Variants in POLG observed in about 807,000 individuals in gnomAD.
POLG encodes the protein DNA polymerase gamma, catalytic subunit.
In POLG, 110 loss-of-function variants were observed where a neutral mutation model predicts 155.4. The observed-to-expected ratio is 0.71, with a 90% CI of 0.61 to 0.83. The LOEUF (loss-of-function observed/expected upper bound fraction) is 0.83. POLG is among the 40% of genes least tolerant of loss of function. POLG has a pLI of 0.00. For missense variants in POLG, 1,685 were observed against 1,627.5 expected (o/e 1.04, Z -0.61); for synonymous variants, 701 against 631.5 (o/e 1.11, Z -1.65).
Position 89,333,326 on chromosome 15 carries a change from G to A in POLG, c.429C>T (p.Ala143=). The A allele has an allele frequency of 6.4e-7, 1 of 1,558,906 alleles. No homozygotes were observed. The highest frequency in any genetic ancestry group is 2.4e-5 in the East Asian group (1 of 41,812). ...DNLDQHFRLL[A]QKQSLPYLEA... is the part of the protein sequence containing the mutation. ...CCAGGTAGGGCAGGCTCTGCTTCTG[G>A]GCCAGGAGGCGGAAGTGCTGGTCCA... The change falls in exon 2 of 23, where the codon GCC becomes GCT. Residue 143 remains alanine, a synonymous_variant. Coordinates refer to ENST00000268124, the MANE Select transcript of POLG (RefSeq NM_002693.3).
At chr15:89,328,380 C>T (rs1036128212) in intron 6 of POLG, 76 bp downstream of exon 6, 10 of 1,140,214 alleles carry the variant, frequency 8.8e-6, no homozygotes, top group Middle Eastern at 1.9e-4. Context: ...ATAGAACCAG[C>T]GCCACCTGAT....
intron 22 of POLG, chr15:89,317,038 G>A (rs908234860): frequency 1.7e-6 from 1 of 599,062 alleles, no homozygotes; most frequent in South Asian, 2.0e-5. Flanking sequence ...TAAGCTTTCT[G>A]ATTTACTTGT....
chr15:89,316,954 C>A (rs993485868), intron 22 of POLG, 127 bp from the exon 23 acceptor site: 1 of 748,434 alleles, frequency 1.3e-6, no homozygotes, highest in Non-Finnish European at 2.4e-6. Flanking sequence ...TTGCCACGAA[C>A]GGTAATGTTA....
In POLG at chr15:89,316,426, C is replaced by T. The variant is rs778130460; in HGVS notation, c.*325G>A. ...CTGCATCAGAGCATGGGGGACAGAA[C>T]AAAGAACCAGCCAAGAAGAAAAGGA... On this transcript the variant is annotated 3_prime_UTR_variant, in exon 23 of 23. Transcript: ENST00000268124. The T allele has an allele frequency of 1.2e-6, 2 of 1,611,792 alleles. No individual in the cohort carries two copies. The highest frequency in any genetic ancestry group is 4.5e-5 in the East Asian group (2 of 44,812).
At chr15:89,328,026 G>A (rs2152067514) in intron 6 of POLG, among the ~76,000 whole-genome samples, 1 of 152,288 alleles carries the variant, frequency 6.6e-6, no homozygotes, top group African/African-American at 2.4e-5. Flanking sequence ...GCTATTAGTA[G>A]TTAAGCTCTG....
At chr15:89,326,352 C>T (rs572188244) in intron 9 of POLG, among the ~76,000 whole-genome samples, 1 of 152,238 alleles carries the variant, frequency 6.6e-6, no homozygotes, top group Non-Finnish European at 1.5e-5. Context: ...AAAGGAGGAG[C>T]TATGCTCCAG....
chr15:89,321,695 G>C, intron 16 of POLG, 41 bp downstream of exon 16: 1 of 1,418,248 alleles, frequency 7.1e-7, no homozygotes, highest in Non-Finnish European at 1.0e-6. Context: ...TACAGACCTG[G>C]GAGAGGAAGA....
At chr15:89,325,087 AGTGAGT>A (rs1264213573) in intron 10 of POLG, among the ~76,000 whole-genome samples, 68 of 97,060 alleles carry the variant, frequency 7.0e-4, no homozygotes, top group East Asian at 1.6e-3. Context: ...TGAGTGAGAG[AGTGAGT>A]GAGTGAGAGA....
chr15:89,332,324 T>A (rs1253794645), intron 2 of POLG: 2 of 152,206 alleles, frequency 1.3e-5, no homozygotes, highest in African/African-American at 4.8e-5. Context: ...ACTGCCAACT[T>A]TTTTGCTGGC....
intron 5 of POLG, 72 bp downstream of exon 5, chr15:89,328,613 A>G: frequency 6.2e-7 from 1 of 1,609,320 alleles, no homozygotes. Context: ...CAGGCCTGGC[A>G]GCTGCATCTC....
At chr15:89,324,010 C>T (rs980546269) in intron 11 of POLG, 97 bp downstream of exon 11, 115 of 1,575,576 alleles carry the variant, frequency 7.3e-5, no homozygotes, top group Non-Finnish European at 9.0e-5. Flanking sequence ...CTGGGGTGAG[C>T]CACCAGTGCC....
intron 2 of POLG, 103 bp downstream of exon 2, chr15:89,332,993 T>G: frequency 5.6e-6 from 8 of 1,436,190 alleles, no homozygotes; most frequent in Non-Finnish European, 7.4e-6. Flanking sequence ...GCTCCCTACG[T>G]GAGCACCCAG....
rs1567187412 is a variant in POLG, at chr15:89,322,035, G to A, written c.2427-20C>T. 1.9e-6 allele frequency: 3 copies of A among 1,613,200 alleles called. No individual in the cohort carries two copies. The highest frequency in any genetic ancestry group is 2.5e-6 in the Non-Finnish European group (3 of 1,179,244). ...TGGGAGCTGTGGGGACAGACAACGT[G>A]AGGCTCAGCACAGCCATGGGAAGCA... On this transcript the variant is annotated intron_variant, in intron 14 of 22. Coordinates refer to ENST00000268124, the MANE Select transcript of POLG (RefSeq NM_002693.3).
intron 2 of POLG, 29 bp from the exon 3 acceptor site, chr15:89,330,305 A>C (rs374159057): frequency 1.9e-6 from 3 of 1,566,658 alleles, no homozygotes; most frequent in Non-Finnish European, 2.6e-6. Flanking sequence ...AGGCAGGTTC[A>C]CCATGGAGAC....
At chr15:89,319,195 T>TC (rs1286357082) in intron 19 of POLG, 33 bp downstream of exon 19, 4 of 1,614,140 alleles carry the variant, frequency 2.5e-6, no homozygotes, top group Non-Finnish European at 3.4e-6. Flanking sequence ...CCCAGACCCC[T>TC]CCCTCCATCC....
rs908570386 is a variant in POLG, at chr15:89,323,640, G to A, written c.2158-129C>T. The A allele has an allele frequency of 7.4e-6, 6 of 810,314 alleles. No individual in the cohort carries two copies. The African/African-American group carries it at 1.0e-4, about 14-fold the overall frequency. 50.2% of individuals were successfully genotyped at this position (810,314 alleles called of 1,614,324 possible). On this transcript the variant is annotated intron_variant, in intron 12 of 22. Transcript: ENST00000268124. ...CTGGGAAATGACAAGATGGCCATGA[G>A]GTCTCACCCAGGCTTTCTCCTTGCT... is the stretch of plus-strand genomic sequence containing the variant.
At chr15:89,323,059 GCACA>G (rs55973654) in intron 13 of POLG, among the ~76,000 whole-genome samples, 157 bp from the exon 14 acceptor site, 4 of 150,736 alleles carry the variant, frequency 2.7e-5, no homozygotes, top group Non-Finnish European at 4.4e-5. Flanking sequence ...ACGCGCGCAC[GCACA>G]CACACACGTG....
intron 18 of POLG, among the ~76,000 whole-genome samples, chr15:89,319,750 T>A (rs12324604): frequency 5.8e-4 from 89 of 152,208 alleles, no homozygotes; most frequent in African/African-American, 2.0e-3. Flanking sequence ...GGGGTAAGAA[T>A]AGGCTACTCC....
chr15:89,327,350 C>T lies in POLG; in HGVS notation c.1251-1G>A. ...GGCCAGAGTCACTGGGTGGGGACAC[C>T]TTGGAGGCAAACACCAGGAGCTGCC... On this transcript the variant is annotated splice_acceptor_variant, in intron 6 of 22. Transcript: ENST00000268124. LOFTEE classifies it high-confidence loss of function. The T allele has an allele frequency of 6.2e-7, 1 of 1,612,880 alleles. No individual in the cohort carries two copies. Among genetic ancestry groups the T allele is most frequent in the Non-Finnish European group, 8.5e-7 (1 of 1,179,960 alleles).
Sources: gnomAD v4.1 joint callset for allele counts (sites outside exome capture counted in the v4.1 genomes callset) on GRCh38, gnomAD v4.1.1 for gene constraint, MANE v1.5 for transcripts, NCBI Gene and HGNC (gene_info 2026-07-23, HGNC 2026-07-21) for gene names.